PARD3: variants seen among roughly 807,000 people sequenced by gnomAD.
The protein encoded by PARD3 is par-3 family cell polarity regulator.
A neutral mutation model predicts 155.4 loss-of-function variants in PARD3; 75 were observed. The ratio of observed to expected loss-of-function variants is 0.48; its 90% confidence interval spans 0.40 to 0.58. The LOEUF is 0.58. Ranked by LOEUF, PARD3 falls within the 20% of genes least tolerant of loss-of-function variation. The pLI is 0.00. For missense variants in PARD3, 1,642 were observed against 1,721.7 expected (o/e 0.95, Z 0.82); for synonymous variants, 576 against 610.5 (o/e 0.94, Z 0.83).
At chr10:34,292,722 A>AT (rs950140340) in intron 20 of PARD3, among the ~76,000 whole-genome samples, 85 of 150,398 alleles carry the variant, frequency 5.7e-4, no homozygotes, top group South Asian at 1.0e-3. Flanking sequence ...TATTATTATT[A>AT]TTTTTTTTTT....
intron 18 of PARD3, among the ~76,000 whole-genome samples, chr10:34,333,927 T>A: frequency 6.6e-6 from 1 of 151,992 alleles, no homozygotes; most frequent in East Asian, 1.9e-4. Context: ...ACACATTGAT[T>A]CAGTCAAATG....
At chr10:34,643,082 C>T (rs1282927835) in intron 2 of PARD3, among the ~76,000 whole-genome samples, 1 of 152,218 alleles carries the variant, frequency 6.6e-6, no homozygotes, top group Non-Finnish European at 1.5e-5. Context: ...TGAGGCGGCA[C>T]CATCAATCCC....
chr10:34,577,087 T>C (rs1564371269), intron 2 of PARD3, among the ~76,000 whole-genome samples: 1 of 152,220 alleles, frequency 6.6e-6, no homozygotes, highest in Admixed American at 6.5e-5. Context: ...GATGGAGCTC[T>C]GAATACTAAT....
At chr10:34,684,398 C>T (rs1227125381) in intron 2 of PARD3, among the ~76,000 whole-genome samples, 2 of 152,128 alleles carry the variant, frequency 1.3e-5, no homozygotes, top group Admixed American at 6.5e-5. Flanking sequence ...GATTTATCTA[C>T]GGTTAGTCCC....
chr10:34,467,007 G>T (rs1484299696), intron 4 of PARD3, among the ~76,000 whole-genome samples: 3 of 151,986 alleles, frequency 2.0e-5, no homozygotes, highest in Non-Finnish European at 4.4e-5. Flanking sequence ...GTAGATCAAG[G>T]CTTTTCCTAT....
At chr10:34,455,443 A>G (rs1160554301) in intron 4 of PARD3, among the ~76,000 whole-genome samples, 1 of 152,170 alleles carries the variant, frequency 6.6e-6, no homozygotes, top group Non-Finnish European at 1.5e-5. Flanking sequence ...AACTATTTTC[A>G]GGATATCTAA....
chr10:34,154,403 G>C (rs674388), intron 22 of PARD3, among the ~76,000 whole-genome samples: 50,781 of 151,918 alleles, frequency 0.33, 8,977 homozygotes, highest in African/African-American at 0.45. Flanking sequence ...CATGGTGAAC[G>C]CCCACACTGC....
At chr10:34,117,609 C>A (rs1204536468) in intron 24 of PARD3, among the ~76,000 whole-genome samples, 23 of 152,118 alleles carry the variant, frequency 1.5e-4, no homozygotes, top group Admixed American at 1.4e-3. Context: ...AACTTTGCAC[C>A]TGTTAATATC....
chr10:34,411,751 GATAGATAGATAGA>G (rs1845090182), intron 5 of PARD3, among the ~76,000 whole-genome samples: 1 of 149,388 alleles, frequency 6.7e-6, no homozygotes, highest in African/African-American at 2.6e-5. Context: ...TAGATAGATA[GATAGATAGATAGA>G]TAGATAGATA....
intron 2 of PARD3, among the ~76,000 whole-genome samples, chr10:34,626,111 G>A (rs1272980810): frequency 3.3e-5 from 5 of 152,020 alleles, no homozygotes; most frequent in Non-Finnish European, 7.4e-5. Flanking sequence ...TGTGTTCAAG[G>A]GTCATAAAAG....
chr10:34,164,973 T>C (rs907003173), intron 22 of PARD3, among the ~76,000 whole-genome samples: 3 of 152,184 alleles, frequency 2.0e-5, no homozygotes, highest in Non-Finnish European at 4.4e-5. Context: ...GCCAACTGCA[T>C]GTAAGATAAT....
At chr10:34,586,724 G>C (rs1331899303) in intron 2 of PARD3, among the ~76,000 whole-genome samples, 1 of 152,170 alleles carries the variant, frequency 6.6e-6, no homozygotes, top group African/African-American at 2.4e-5. Flanking sequence ...AGGCGAGTTG[G>C]ATCACCTGAG....
At chr10:34,125,849 T>C (rs1266313400) in intron 23 of PARD3, among the ~76,000 whole-genome samples, 1 of 152,210 alleles carries the variant, frequency 6.6e-6, no homozygotes, top group African/African-American at 2.4e-5. Context: ...ATACAGCTAT[T>C]ATTAAAGGCT....
At chr10:34,580,757 A>G (rs1380571132) in intron 2 of PARD3, among the ~76,000 whole-genome samples, 1 of 152,210 alleles carries the variant, frequency 6.6e-6, no homozygotes, top group African/African-American at 2.4e-5. Context: ...CATAACTTAA[A>G]GAGTAACCAC....
At chr10:34,204,253 G>A (rs1011449370) in intron 22 of PARD3, among the ~76,000 whole-genome samples, 10 of 152,174 alleles carry the variant, frequency 6.6e-5, no homozygotes, top group African/African-American at 2.4e-4. Flanking sequence ...GGCCAAAGGA[G>A]AGACCCAGAG....
At chr10:34,533,450 A>G (rs979737695) in intron 2 of PARD3, among the ~76,000 whole-genome samples, 5 of 152,078 alleles carry the variant, frequency 3.3e-5, no homozygotes, top group Non-Finnish European at 7.4e-5. Flanking sequence ...ATATTTTTTT[A>G]AAAAAGCAAT....
At chr10:34,198,708 G>A (rs866746687) in intron 22 of PARD3, among the ~76,000 whole-genome samples, 1 of 152,182 alleles carries the variant, frequency 6.6e-6, no homozygotes, top group Middle Eastern at 3.4e-3. Context: ...AGTGCACCCT[G>A]ATGTCCTTTA....
chr10:34,795,173 A>G (rs1842110350), intron 1 of PARD3, among the ~76,000 whole-genome samples: 1 of 152,234 alleles, frequency 6.6e-6, no homozygotes, highest in Non-Finnish European at 1.5e-5. Context: ...TGGAGACACC[A>G]CATGCAGGTG....
At chr10:34,770,924 T>C (rs117980043) in intron 1 of PARD3, among the ~76,000 whole-genome samples, 267 of 152,186 alleles carry the variant, frequency 1.8e-3, no homozygotes, top group Non-Finnish European at 3.2e-3. Flanking sequence ...TCTGACATCA[T>C]TGGATTTGGA....
Sources: allele counts gnomAD v4.1 joint callset (sites outside exome capture counted in the v4.1 genomes callset), GRCh38; gene constraint gnomAD v4.1.1; transcripts MANE v1.5; gene names NCBI Gene and HGNC (gene_info 2026-07-23, HGNC 2026-07-21).